Variants in CSMD1 observed in about 807,000 individuals in gnomAD.
CSMD1 encodes the protein CUB and Sushi multiple domains 1.
A neutral mutation model predicts 417.5 loss-of-function variants in CSMD1; 213 were observed. That is an observed-to-expected ratio of 0.51 (90% CI 0.46 to 0.57). The LOEUF (loss-of-function observed/expected upper bound fraction) is 0.57. CSMD1 is among the 20% of genes least tolerant of loss of function. CSMD1 has a pLI of 0.00. For synonymous variants in CSMD1, 2,862 were observed against 1,736.8 expected, an observed-to-expected ratio of 1.65 and a Z score of -16.11; for missense variants, 6,923 against 4,529.7, an observed-to-expected ratio of 1.53 and a Z score of -15.17.
intron 27 of CSMD1, among the ~76,000 whole-genome samples, chr8:3,224,144 T>C (rs1230817576): frequency 6.6e-6 from 1 of 152,228 alleles, no homozygotes; most frequent in Non-Finnish European, 1.5e-5. Context: ...TTCTTTCCTA[T>C]AATTTAAAAT....
At chr8:4,246,062 G>T (rs187195775) in intron 3 of CSMD1, among the ~76,000 whole-genome samples, 1 of 152,234 alleles carries the variant, frequency 6.6e-6, no homozygotes, top group Admixed American at 6.5e-5. Context: ...TGGTAGAAGT[G>T]CAGGTTTGTT....
chr8:4,855,016 C>T (rs904162065), intron 1 of CSMD1, among the ~76,000 whole-genome samples: 4 of 152,150 alleles, frequency 2.6e-5, no homozygotes, highest in Admixed American at 2.6e-4. Context: ...ATGTCCCTGT[C>T]TGACAGGTTT....
chr8:3,987,821 T>A (rs897314303), intron 5 of CSMD1, among the ~76,000 whole-genome samples: 1 of 152,198 alleles, frequency 6.6e-6, no homozygotes. Context: ...AAACCCATAG[T>A]TCCAGATGTT....
At position 4,368,014 on chromosome 8, in the gene CSMD1, T is replaced by A. The variant is rs180942141; in HGVS notation, c.415+51939A>T. Among the ~76,000 whole-genome samples, 756 of 152,250 alleles carry A rather than the reference T, an allele frequency of 5.0e-3. 3 individuals are homozygous for A. Among genetic ancestry groups the A allele is most frequent in the Non-Finnish European group, 8.3e-3 (562 of 68,012 alleles). ...GTCAGTGAAGTGAGACACCTTTTCT[T>A]GGCTGATTGCTCTGGCTAGAACTTC... On this transcript the variant is annotated intron_variant, in intron 3 of 69. Transcript: ENST00000635120.
intron 5 of CSMD1, among the ~76,000 whole-genome samples, chr8:3,864,864 G>A (rs556869794): frequency 1.0e-3 from 156 of 152,270 alleles, no homozygotes; most frequent in African/African-American, 3.6e-3. Flanking sequence ...GGCCAGACTA[G>A]AATTAAATAA....
intron 3 of CSMD1, among the ~76,000 whole-genome samples, chr8:4,317,033 T>A (rs898193484): frequency 1.3e-5 from 2 of 152,120 alleles, no homozygotes; most frequent in African/African-American, 4.8e-5. Flanking sequence ...ACTACACTTG[T>A]AAACGGCACT....
At chr8:4,549,298 T>A (rs1002311142) in intron 2 of CSMD1, among the ~76,000 whole-genome samples, 2 of 152,106 alleles carry the variant, frequency 1.3e-5, no homozygotes, top group Non-Finnish European at 1.5e-5. Context: ...TGACTTGGAA[T>A]GCGAGGGGAA....
At chr8:4,251,782 GAGATGGAGGAGGAAAGATGGAGAAGGAC>G (rs1386585676) in intron 3 of CSMD1, among the ~76,000 whole-genome samples, 1 of 151,504 alleles carries the variant, frequency 6.6e-6, no homozygotes, top group Admixed American at 6.6e-5. Flanking sequence ...CAGGGATGGA[GAGATGGAGGAGGAAAGATGGAGAAGGAC>G]AGATGGAGGA....
intron 26 of CSMD1, among the ~76,000 whole-genome samples, chr8:3,245,617 G>T (rs780936445): frequency 1.1e-4 from 17 of 152,172 alleles, no homozygotes; most frequent in Non-Finnish European, 2.4e-4. Context: ...GAAAGGACAG[G>T]AGCCTAAATC....
chr8:4,280,373 C>G (rs1231233548), intron 3 of CSMD1, among the ~76,000 whole-genome samples: 1 of 152,134 alleles, frequency 6.6e-6, no homozygotes, highest in African/African-American at 2.4e-5. Flanking sequence ...ATTGAATAGA[C>G]ACGACATGTT....
At chr8:3,776,009 A>G (rs1041072448) in intron 5 of CSMD1, among the ~76,000 whole-genome samples, 1 of 152,130 alleles carries the variant, frequency 6.6e-6, no homozygotes, top group African/African-American at 2.4e-5. Flanking sequence ...CCCTGATCCA[A>G]ATTTCCCCTT....
chr8:4,308,121 G>T (rs1248619096), intron 3 of CSMD1, among the ~76,000 whole-genome samples: 1 of 152,184 alleles, frequency 6.6e-6, no homozygotes, highest in East Asian at 1.9e-4. Flanking sequence ...GGCAAAGCAG[G>T]AAGATGTGTT....
rs777268598 is a variant in CSMD1 at position 2,957,679 on chromosome 8, G to GA, written c.9814+16dup. 2 of 1,473,024 alleles carry GA rather than the reference G, an allele frequency of 1.4e-6. No homozygotes were observed. The highest frequency in any genetic ancestry group is 1.9e-6 in the Non-Finnish European group (2 of 1,068,970). The allele number at this position is 1,473,024 out of a possible 1,614,324, so 91.2% of individuals were successfully genotyped here. On this transcript the variant is annotated intron_variant, in intron 63 of 69. Transcript: ENST00000635120. Reference sequence around the variant, plus strand: ...AAATAGGTGACTTGTGATGGGGGTGGAAGAAATCACACTTACGTATACATT... The same window carrying GA: ...AAATAGGTGACTTGTGATGGGGGTGGAAAGAAATCACACTTACGTATACATT...
intron 37 of CSMD1, among the ~76,000 whole-genome samples, chr8:3,163,726 C>T (rs1308618757): frequency 1.3e-5 from 2 of 152,126 alleles, no homozygotes; most frequent in Non-Finnish European, 2.9e-5. Context: ...ACTCAGGAAG[C>T]AGCTGTGGGT....
At chr8:4,374,878 T>A (rs1802625061) in intron 3 of CSMD1, among the ~76,000 whole-genome samples, 1 of 140,342 alleles carries the variant, frequency 7.1e-6, no homozygotes, top group African/African-American at 2.7e-5. Flanking sequence ...ACACAGGACA[T>A]GAAGCTGAAG....
intron 3 of CSMD1, among the ~76,000 whole-genome samples, chr8:4,326,063 A>G (rs570634898): frequency 3.3e-5 from 5 of 152,306 alleles, no homozygotes; most frequent in Admixed American, 3.3e-4. Flanking sequence ...ATTCTCCAAC[A>G]CTAGCATTCA....
intron 2 of CSMD1, among the ~76,000 whole-genome samples, chr8:4,440,935 T>G (rs948778151): frequency 1.3e-5 from 2 of 150,848 alleles, no homozygotes; most frequent in African/African-American, 4.9e-5. Context: ...AGGCGGAGGT[T>G]GCAGCGAGCC....
At chr8:3,649,040 A>G (rs950409705) in intron 7 of CSMD1, among the ~76,000 whole-genome samples, 1 of 152,162 alleles carries the variant, frequency 6.6e-6, no homozygotes, top group Admixed American at 6.5e-5. Flanking sequence ...GAGTTCATCA[A>G]TGGAAGAACA....
At chr8:4,958,425 T>G (rs1174541608) in intron 1 of CSMD1, among the ~76,000 whole-genome samples, 1 of 152,150 alleles carries the variant, frequency 6.6e-6, no homozygotes, top group Non-Finnish European at 1.5e-5. Flanking sequence ...AAGTCTATAA[T>G]AAAGGTAGAT....
Sources: allele counts gnomAD v4.1 joint callset (sites outside exome capture counted in the v4.1 genomes callset), GRCh38; gene constraint gnomAD v4.1.1; transcripts MANE v1.5; gene names NCBI Gene and HGNC (gene_info 2026-07-23, HGNC 2026-07-21).